The following TLL1 variants were observed in gnomAD, a reference collection of about 807,000 sequenced individuals.
The protein encoded by TLL1 is tolloid like 1.
In TLL1, 49 loss-of-function variants were observed where a neutral mutation model predicts 128.2. The observed-to-expected ratio is 0.38, with a 90% CI of 0.30 to 0.48. The LOEUF (loss-of-function observed/expected upper bound fraction) is 0.48, where lower values mean the gene tolerates loss of function less well. TLL1 is among the 20% of genes least tolerant of loss of function. The pLI is 0.96. For synonymous variants in TLL1, 454 were observed against 418.8 expected (o/e 1.08, Z -1.03); for missense variants, 1,123 against 1,242.0 (o/e 0.90, Z 1.44).
At chr4:165,942,988 G>C (rs1734086785) in intron 1 of TLL1, among the ~76,000 whole-genome samples, 1 of 152,036 alleles carries the variant, frequency 6.6e-6, no homozygotes, top group Admixed American at 6.6e-5. Flanking sequence ...GAAAAGAGCA[G>C]AAAATAATTC....
chr4:166,054,143 G>A (rs1036347634), intron 12 of TLL1, among the ~76,000 whole-genome samples: 1 of 151,680 alleles, frequency 6.6e-6, no homozygotes, highest in African/African-American at 2.4e-5. Context: ...TGAGAGGAGT[G>A]TGTTGAGATA....
chr4:165,929,589 C>T (rs1733426297), intron 1 of TLL1, among the ~76,000 whole-genome samples: 1 of 151,466 alleles, frequency 6.6e-6, no homozygotes, highest in Admixed American at 6.6e-5. Context: ...CTCAGCAAAT[C>T]TGACTTTTCT....
At chr4:165,892,004 T>C (rs1340026415) in intron 1 of TLL1, among the ~76,000 whole-genome samples, 1 of 152,212 alleles carries the variant, frequency 6.6e-6, no homozygotes, top group Non-Finnish European at 1.5e-5. Context: ...CTGTTCAGCA[T>C]GGCTGAGGAA....
intron 18 of TLL1, among the ~76,000 whole-genome samples, chr4:166,084,416 T>C (rs997487563): frequency 6.6e-6 from 1 of 152,184 alleles, no homozygotes; most frequent in Non-Finnish European, 1.5e-5. Context: ...ATTTTTGCTT[T>C]CATCGTCTGT....
intron 10 of TLL1, among the ~76,000 whole-genome samples, chr4:166,040,014 G>A (rs1405030802): frequency 6.6e-6 from 1 of 152,208 alleles, no homozygotes; most frequent in Non-Finnish European, 1.5e-5. Context: ...TGGTGCTCAT[G>A]AAAGTCTGCT....
intron 1 of TLL1, among the ~76,000 whole-genome samples, chr4:165,938,029 G>A (rs933006674): frequency 6.6e-6 from 1 of 151,398 alleles, no homozygotes; most frequent in Non-Finnish European, 1.5e-5. Context: ...GCATTTCCTA[G>A]ATTATGTATT....
intron 5 of TLL1, among the ~76,000 whole-genome samples, chr4:166,002,115 G>T (rs1043369000): frequency 1.3e-5 from 2 of 152,082 alleles, no homozygotes; most frequent in African/African-American, 4.8e-5. Context: ...CTGGAGACGC[G>T]GCACTGCAGA....
Position 165,994,264 on chromosome 4 carries a change from T to C in TLL1, c.362-117T>C, listed in dbSNP as rs1736763291. On this transcript the variant is annotated intron_variant, in intron 3 of 20. Transcript: ENST00000061240. ...AGTTTTTCTTTAATGCATTTTGACTTCTGGCATTTATACAAAAAATATGTA... is the reference window on the plus strand; with the variant it reads ...AGTTTTTCTTTAATGCATTTTGACTCCTGGCATTTATACAAAAAATATGTA... 3.3e-6 allele frequency: 4 copies of C among 1,228,140 alleles called. No homozygotes were observed. In the East Asian group the frequency reaches 7.2e-5, roughly 22 times the overall value. 76.1% of individuals were successfully genotyped at this position (1,228,140 alleles called of 1,614,324 possible). A position where few individuals can be genotyped will look rare whatever the true frequency, so the allele number is the denominator to read the frequency against.
Position 165,873,937 on chromosome 4 carries a change from C to T in TLL1, c.33C>T (p.Leu11=), listed in dbSNP as rs556914086. 3.1e-5 allele frequency: 50 copies of T among 1,613,958 alleles called. No homozygotes were observed. In the South Asian group the frequency reaches 4.4e-4, roughly 14 times the overall value. MGLGTLSPRM[L]VWLVASGIVF... Reference sequence around the variant, plus strand: ...TGGGAACGCTTTCCCCGAGGATGCTCGTGTGGCTGGTGGCCTCGGGGATTG... The same window carrying T: ...TGGGAACGCTTTCCCCGAGGATGCTTGTGTGGCTGGTGGCCTCGGGGATTG... Residue 11 remains leucine (L), a synonymous_variant, in exon 1 of 21, where the codon CTC becomes CTT. Transcript: ENST00000061240.
intron 1 of TLL1, among the ~76,000 whole-genome samples, chr4:165,923,665 G>C (rs1412931345): frequency 1.3e-5 from 2 of 151,916 alleles, no homozygotes; most frequent in East Asian, 3.9e-4. Context: ...TCGATTTCCT[G>C]ACCTTGTGAT....
intron 8 of TLL1, among the ~76,000 whole-genome samples, chr4:166,018,261 G>A (rs1738043454): frequency 6.6e-6 from 1 of 152,028 alleles, no homozygotes; most frequent in Non-Finnish European, 1.5e-5. Context: ...GAATGAAACT[G>A]GACTCTATCT....
rs558130394 is a variant in TLL1 at position 165,914,588 on chromosome 4, A to G, written c.169+40515A>G. 2.6e-5 allele frequency among the ~76,000 whole-genome samples: 4 copies of G among 152,320 alleles called. No individual in the cohort carries two copies. The South Asian group carries it at 8.3e-4, about 32-fold the overall frequency. ...GCTCACAGTAGCTCTTTCTTCACAG[A>G]TAAAGACTTTTATTATGTCTAGCAT... On this transcript the variant is annotated intron_variant, in intron 1 of 20. Transcript: ENST00000061240.
chr4:165,943,552 T>C (rs1171749759), intron 1 of TLL1, among the ~76,000 whole-genome samples: 1 of 152,096 alleles, frequency 6.6e-6, no homozygotes, highest in Non-Finnish European at 1.5e-5. Flanking sequence ...TCCTTAAAAA[T>C]TGGACCTTTA....
At chr4:166,038,872 T>G (rs1739116642) in intron 9 of TLL1, among the ~76,000 whole-genome samples, 1 of 152,186 alleles carries the variant, frequency 6.6e-6, no homozygotes, top group South Asian at 2.1e-4. Flanking sequence ...TCTGGGAAAG[T>G]GGCACATGGT....
chr4:166,095,938 G>C (rs1433764121), intron 19 of TLL1, among the ~76,000 whole-genome samples: 1 of 152,082 alleles, frequency 6.6e-6, no homozygotes, highest in African/African-American at 2.4e-5. Context: ...TGATGAAAAT[G>C]TGTTCACCGT....
chr4:166,002,484 G>C (rs538797234), intron 5 of TLL1, among the ~76,000 whole-genome samples: 5 of 151,958 alleles, frequency 3.3e-5, no homozygotes, highest in Admixed American at 6.6e-5. Flanking sequence ...TTACTCTGTT[G>C]CTCAGGCTGG....
At chr4:165,974,331 G>A (rs1482696502) in intron 1 of TLL1, among the ~76,000 whole-genome samples, 2 of 132,516 alleles carry the variant, frequency 1.5e-5, no homozygotes, top group East Asian at 3.9e-4. Context: ...TCATAGAGAC[G>A]GGGTTTCACC....
At chr4:165,963,319 T>A (rs1354407126) in intron 1 of TLL1, among the ~76,000 whole-genome samples, 1 of 151,944 alleles carries the variant, frequency 6.6e-6, no homozygotes, top group Non-Finnish European at 1.5e-5. Flanking sequence ...CCAGCCAGAA[T>A]CTAAAATAAA....
Position 165,992,883 on chromosome 4 carries a change from T to C in TLL1, c.360T>C (p.Phe120=). The C allele has an allele frequency of 6.2e-7, 1 of 1,612,866 alleles. No homozygotes were observed. Among genetic ancestry groups the C allele is most frequent in the South Asian group, 1.1e-5 (1 of 91,044 alleles). Residue 120 remains phenylalanine, a splice_region_variant and synonymous_variant, in exon 3 of 21, where the codon TTT becomes TTC. Transcript: ENST00000061240. ...QLIDRIRRIG[F]GLEQNNTVKG... ...TAGACAGGATAAGAAGAATTGGCTT[T>C]GGTATATCAATGTTTAAAGTTGCAG...
Sources: gnomAD v4.1 joint callset for allele counts (sites outside exome capture counted in the v4.1 genomes callset) on GRCh38, gnomAD v4.1.1 for gene constraint, MANE v1.5 for transcripts, NCBI Gene and HGNC (gene_info 2026-07-23, HGNC 2026-07-21) for gene names.